The following FARP1 variants were observed in gnomAD, a reference collection of about 807,000 sequenced individuals.
FARP1 encodes the protein FERM, ARHGEF and pleckstrin domain-containing protein 1.
In FARP1, 52 loss-of-function variants were observed where a neutral mutation model predicts 128.8. The ratio of observed to expected loss-of-function variants is 0.40; its 90% CI spans 0.32 to 0.51. FARP1 has a LOEUF of 0.51. Among genes scored for constraint, FARP1 ranks in the 20% least tolerant of loss-of-function variants. The pLI is 0.45. For synonymous variants in FARP1, 580 were observed against 551.8 expected, an observed-to-expected ratio of 1.05 and a Z score of -0.72; for missense variants, 1,333 against 1,367.9, an observed-to-expected ratio of 0.97 and a Z score of 0.40.
chr13:98,209,647 A>T (rs867315546), intron 1 of FARP1, among the ~76,000 whole-genome samples: 3 of 150,118 alleles, frequency 2.0e-5, no homozygotes, highest in Non-Finnish European at 3.0e-5. Context: ...AAATACAACA[A>T]TTAGCTGGGT....
At chr13:98,181,950 A>G (rs1878561252) in intron 1 of FARP1, among the ~76,000 whole-genome samples, 1 of 152,222 alleles carries the variant, frequency 6.6e-6, no homozygotes, top group African/African-American at 2.4e-5. Flanking sequence ...TGCTGACTTC[A>G]TTGCAAGAGA....
At chr13:98,391,402 C>T (rs375673274) in intron 11 of FARP1, among the ~76,000 whole-genome samples, 1 of 152,222 alleles carries the variant, frequency 6.6e-6, no homozygotes, top group East Asian at 1.9e-4. Context: ...CCTCAGCCTC[C>T]TGAGTAGCTG....
intron 6 of FARP1, chr13:98,384,193 TG>T (rs1890003688): frequency 4.0e-5 from 1 of 24,964 alleles, no homozygotes; most frequent in Admixed American, 4.9e-4. Context: ...CTTTTTTTTT[TG>T]TAGGGGGGCG....
chr13:98,146,331 C>A (rs778885086), intron 1 of FARP1, among the ~76,000 whole-genome samples: 10 of 152,138 alleles, frequency 6.6e-5, no homozygotes, highest in Non-Finnish European at 8.8e-5. Context: ...CAGGTTCAAG[C>A]GATTCTCCTG....
At chr13:98,243,626 G>T (rs948539317) in intron 2 of FARP1, among the ~76,000 whole-genome samples, 15 of 150,940 alleles carry the variant, frequency 9.9e-5, no homozygotes, top group African/African-American at 3.7e-4. Flanking sequence ...GAACCCAGGA[G>T]GCGGAGGTTG....
At position 98,390,829 on chromosome 13, in the gene FARP1, A is replaced by G; in HGVS notation, c.1037A>G (p.Gln346Arg). ...SFRFSGRTQKQVLDYVKEGGH... is the reference protein window; with the variant it reads ...SFRFSGRTQKRVLDYVKEGGH... The stretch of plus-strand genomic sequence containing the variant: ...TGTTTCAGTGGTCGGACTCAGAAGC[A>G]GGTTCTCGACTATGTTAAAGAAGGA... The change falls in exon 11 of 27, where the codon CAG becomes CGG. Residue 346 changes from glutamine to arginine, a missense_variant. Gln to Arg is a conservative substitution (Grantham distance 43). Coordinates refer to ENST00000319562, the MANE Select transcript of FARP1 (RefSeq NM_005766.4). The G allele has an allele frequency of 1.2e-6, 2 of 1,613,720 alleles. No homozygotes were observed. Among genetic ancestry groups the G allele is most frequent in the South Asian group, 1.1e-5 (1 of 91,010 alleles).
chr13:98,309,370 C>T (rs558590747), intron 2 of FARP1, among the ~76,000 whole-genome samples: 16 of 150,692 alleles, frequency 1.1e-4, no homozygotes, highest in Admixed American at 9.2e-4. Context: ...GGGGTTTCAC[C>T]GTGTTAGCCA....
intron 2 of FARP1, among the ~76,000 whole-genome samples, chr13:98,317,696 C>CT (rs1371110528): frequency 6.6e-6 from 1 of 152,216 alleles, no homozygotes; most frequent in South Asian, 2.1e-4. Context: ...ACGTCACTGA[C>CT]TGGATGGCTT....
chr13:98,315,044 C>T (rs1038584202), intron 2 of FARP1, among the ~76,000 whole-genome samples: 9 of 152,192 alleles, frequency 5.9e-5, no homozygotes, highest in Non-Finnish European at 1.0e-4. Context: ...AACAGGACAG[C>T]GCTCCCAGGG....
At chr13:98,182,098 C>G (rs1242084750) in intron 1 of FARP1, among the ~76,000 whole-genome samples, 1 of 151,820 alleles carries the variant, frequency 6.6e-6, no homozygotes, top group Non-Finnish European at 1.5e-5. Flanking sequence ...TAGAACTGAC[C>G]TATGCTCCCC....
In FARP1 at chr13:98,424,636, A is replaced by G. The variant is rs1364997225; in HGVS notation, c.1891A>G (p.Ile631Val). The G allele has an allele frequency of 1.1e-5, 18 of 1,612,438 alleles. No individual in the cohort carries two copies. Among genetic ancestry groups the G allele is most frequent in the African/African-American group, 2.7e-5 (2 of 74,916 alleles). Residue 631 changes from isoleucine (I) to valine (V), a missense_variant, in exon 17 of 27, where the codon ATT becomes GTT. By Grantham distance (29) the Ile-to-Val change is conservative. This residue lies in a region of FARP1 where 1,009 missense variants were observed against 969.8 expected (regional missense o/e 1.04). Coordinates refer to ENST00000319562, the MANE Select transcript of FARP1 (RefSeq NM_005766.4). The part of the protein sequence containing the change: ...QRIGDVMLKN[I>V]QGMKHLAAHL... ...AATCGGCGATGTCATGCTGAAGAAC[A>G]TTCAGGGCATGAAGGTGAGCTGGTT...
chr13:98,308,312 C>T (rs542342564), intron 2 of FARP1, among the ~76,000 whole-genome samples: 1 of 152,302 alleles, frequency 6.6e-6, no homozygotes, highest in East Asian at 1.9e-4. Context: ...GGTCACCGCT[C>T]TTCTCGTGCT....
intron 25 of FARP1, 114 bp from the exon 26 acceptor site, chr13:98,446,552 C>A: frequency 1.8e-6 from 2 of 1,117,036 alleles, no homozygotes; most frequent in Non-Finnish European, 2.6e-6. Context: ...CAGGCCCACG[C>A]CCGAGGAGGG....
At chr13:98,386,100 G>T in intron 8 of FARP1, 1 of 311,032 alleles carries the variant, frequency 3.2e-6, no homozygotes. Flanking sequence ...CCTACACTTA[G>T]AACACAGTCT....
At position 98,213,288 on chromosome 13, in the gene FARP1, G is replaced by T. The variant is rs182979508; in HGVS notation, c.46G>T (p.Ala16Ser). ...QRPTPGSRLGAPENSGISTLE... is the reference protein window; with the variant it reads ...QRPTPGSRLGSPENSGISTLE... ...GCCGACCCCAGGATCACGACTGGGG[G>T]CCCCGGAAAATTCGGGGATCAGTAC... Residue 16 changes from alanine to serine, a missense_variant, in exon 2 of 27, where the codon GCC becomes TCC. By Grantham distance (99) the Ala-to-Ser change is moderately conservative. This residue lies in a region of FARP1 where 324 missense variants were observed against 398.1 expected (regional missense o/e 0.81). Coordinates refer to ENST00000319562, the MANE Select transcript of FARP1 (RefSeq NM_005766.4). 3.5e-5 allele frequency: 56 copies of T among 1,614,082 alleles called. No individual in the cohort carries two copies. The East Asian group carries it at 1.1e-3, about 32-fold the overall frequency.
intron 5 of FARP1, among the ~76,000 whole-genome samples, chr13:98,371,681 T>C (rs1055026577): frequency 3.9e-5 from 6 of 152,060 alleles, no homozygotes; most frequent in African/African-American, 1.2e-4. Flanking sequence ...GACTGACTAT[T>C]GAGATTTCAG....
At chr13:98,225,296 C>A (rs1367703128) in intron 2 of FARP1, among the ~76,000 whole-genome samples, 1 of 152,184 alleles carries the variant, frequency 6.6e-6, no homozygotes, top group Non-Finnish European at 1.5e-5. Flanking sequence ...CATTTCACAG[C>A]TCATTGCACC....
At chr13:98,272,833 A>T (rs1884452826) in intron 2 of FARP1, among the ~76,000 whole-genome samples, 1 of 152,230 alleles carries the variant, frequency 6.6e-6, no homozygotes, top group Admixed American at 6.5e-5. Context: ...GGCAGAAAGA[A>T]GACACTGGCT....
chr13:98,379,169 AATCTATATATAATATATATAATATATAAT>A (rs1566935266), intron 6 of FARP1, among the ~76,000 whole-genome samples: 5 of 114,832 alleles, frequency 4.4e-5, no homozygotes, highest in South Asian at 2.4e-4. Flanking sequence ...TATAATATAT[AATCTATATATAATATATATAATATATAAT>A]ATATATATAA....
Sources: gnomAD v4.1 joint callset for allele counts (sites outside exome capture counted in the v4.1 genomes callset) on GRCh38, gnomAD v4.1.1 for gene constraint, gnomAD v4.1.1 regional missense constraint, MANE v1.5 for transcripts, NCBI Gene and HGNC (gene_info 2026-07-23, HGNC 2026-07-21) for gene names.